Variants in ANKRD17 observed in about 807,000 individuals in gnomAD.
ANKRD17 encodes ankyrin repeat domain-containing protein 17.
Under a neutral mutation model 229.7 loss-of-function variants are expected in ANKRD17, and 19 were observed. The observed-to-expected ratio is 0.08, with a 90% CI of 0.06 to 0.12. ANKRD17 has a LOEUF of 0.12. Ranked by LOEUF, ANKRD17 falls within the 10% of genes least tolerant of loss-of-function variation. ANKRD17 has a pLI of 1.00. For synonymous variants in ANKRD17, 1,112 were observed against 1,146.1 expected (o/e 0.97, Z 0.60); for missense variants, 2,176 against 3,176.8 (o/e 0.68, Z 7.57).
intron 8 of ANKRD17, 143 bp downstream of exon 8, chr4:73,148,670 T>C: frequency 1.3e-6 from 1 of 749,742 alleles, no homozygotes; most frequent in East Asian, 2.7e-5. Flanking sequence ...GGAGCCATTT[T>C]CACAGTAAAT....
Position 73,115,923 on chromosome 4 carries a change from A to G in ANKRD17, c.4189-7T>C. 6.2e-7 allele frequency: 1 copy of G among 1,610,328 alleles called. No homozygotes were observed. The highest frequency in any genetic ancestry group is 1.3e-5 in the African/African-American group (1 of 74,986). On this transcript the variant is annotated splice_polypyrimidine_tract_variant and splice_region_variant and intron_variant, in intron 22 of 33. Transcript: ENST00000358602. The stretch of plus-strand genomic sequence containing the variant: ...GCACCACCTTCACATGACCCTAAAA[A>G]ATAGATATCAATGTCAGATTGAAAA...
chr4:73,245,860 T>C (rs1744452200), intron 1 of ANKRD17, among the ~76,000 whole-genome samples: 1 of 152,182 alleles, frequency 6.6e-6, no homozygotes, highest in Non-Finnish European at 1.5e-5. Flanking sequence ...TATTGTTACA[T>C]AGTCCCGATC....
intron 6 of ANKRD17, among the ~76,000 whole-genome samples, chr4:73,152,288 A>G (rs1403752659): frequency 6.6e-6 from 1 of 152,164 alleles, no homozygotes; most frequent in Non-Finnish European, 1.5e-5. Context: ...TCACAGGTAA[A>G]CAATTAAACA....
rs1178400799 is a variant in ANKRD17, at chr4:73,076,227, C to T, written c.*4G>A. 6.2e-7 allele frequency: 1 copy of T among 1,607,424 alleles called. No individual in the cohort carries two copies. Among genetic ancestry groups the T allele is most frequent in the Admixed American group, 1.7e-5 (1 of 58,700 alleles). ...GAATCTGCAGGCTAACAAGCTGATC[C>T]TCATCAGCCAAGCTGGTTCATATGC... is the stretch of plus-strand genomic sequence containing the variant. On this transcript the variant is annotated 3_prime_UTR_variant, in exon 34 of 34. Transcript: ENST00000358602.
chr4:73,154,151 A>G (rs1268029132), intron 5 of ANKRD17, 38 bp from the exon 6 acceptor site: 1 of 1,398,494 alleles, frequency 7.2e-7, no homozygotes. Flanking sequence ...CATTAACATA[A>G]AATACCAAAA....
At position 73,198,939 on chromosome 4, in the gene ANKRD17, A is replaced by T. The variant is rs1035800880; in HGVS notation, c.394-21406T>A. The stretch of plus-strand genomic sequence containing the variant: ...GACGTAAAACTTGTAACACATAAAA[A>T]GATATTCAAGAGTTTGAAGAGTATA... On this transcript the variant is annotated intron_variant, in intron 1 of 33. Transcript: ENST00000358602. Among the ~76,000 whole-genome samples, 12 of 152,352 alleles carry T rather than the reference A, an allele frequency of 7.9e-5. No homozygotes were observed. The East Asian group carries it at 2.3e-3, about 29-fold the overall frequency.
chr4:73,076,919 T>C (rs750702654), intron 33 of ANKRD17, 21 bp downstream of exon 33: 1 of 1,598,256 alleles, frequency 6.3e-7, no homozygotes, highest in South Asian at 1.1e-5. Flanking sequence ...AACTGTTTAT[T>C]CACTGAATGA....
intron 1 of ANKRD17, among the ~76,000 whole-genome samples, chr4:73,190,976 G>T (rs1488562682): frequency 6.6e-6 from 1 of 152,090 alleles, no homozygotes; most frequent in Admixed American, 6.6e-5. Flanking sequence ...GTGTAAAGAT[G>T]TCAATTTTCC....
At chr4:73,200,337 T>TTA (rs1247992485) in intron 1 of ANKRD17, among the ~76,000 whole-genome samples, 3 of 152,132 alleles carry the variant, frequency 2.0e-5, no homozygotes, top group African/African-American at 7.2e-5. Context: ...GGGTACATAC[T>TTA]TACAGTCCAA....
At chr4:73,242,468 T>C (rs1360963782) in intron 1 of ANKRD17, among the ~76,000 whole-genome samples, 1 of 152,178 alleles carries the variant, frequency 6.6e-6, no homozygotes, top group Non-Finnish European at 1.5e-5. Flanking sequence ...ATGAAGGGCC[T>C]GAAAATACAT....
chr4:73,190,662 C>G (rs1398690374), intron 1 of ANKRD17, among the ~76,000 whole-genome samples: 1 of 151,552 alleles, frequency 6.6e-6, no homozygotes, highest in African/African-American at 2.4e-5. Flanking sequence ...TACAGCCATC[C>G]TTCTAGAAAC....
chr4:73,210,727 C>A (rs929773833), intron 1 of ANKRD17, among the ~76,000 whole-genome samples: 3 of 151,780 alleles, frequency 2.0e-5, no homozygotes, highest in African/African-American at 7.3e-5. Context: ...AAAAAGTTAT[C>A]TACTACCTGG....
chr4:73,154,914 G>A (rs898424707), intron 5 of ANKRD17, among the ~76,000 whole-genome samples: 4 of 151,706 alleles, frequency 2.6e-5, no homozygotes, highest in Admixed American at 2.0e-4. Context: ...AGTGGCAGGC[G>A]CCTGTAGTCC....
chr4:73,127,558 T>C (rs1727637404), intron 16 of ANKRD17, among the ~76,000 whole-genome samples: 1 of 152,312 alleles, frequency 6.6e-6, no homozygotes, highest in East Asian at 1.9e-4. Flanking sequence ...ATCTGCCTTA[T>C]ATGTTTATCA....
intron 29 of ANKRD17, among the ~76,000 whole-genome samples, chr4:73,090,081 T>G (rs1284017022): frequency 6.6e-6 from 1 of 152,154 alleles, no homozygotes; most frequent in African/African-American, 2.4e-5. Context: ...GACAGTACCT[T>G]ATTAAATTAA....
intron 1 of ANKRD17, among the ~76,000 whole-genome samples, chr4:73,251,394 T>C (rs568276434): frequency 6.6e-6 from 1 of 152,318 alleles, no homozygotes; most frequent in East Asian, 1.9e-4. Context: ...TGAAGCACTG[T>C]TAAGTCAGAA....
intron 2 of ANKRD17, among the ~76,000 whole-genome samples, chr4:73,161,800 C>G (rs1490811951): frequency 6.6e-6 from 1 of 152,184 alleles, no homozygotes; most frequent in Non-Finnish European, 1.5e-5. Flanking sequence ...TTATTTTTAA[C>G]TCATTGACGC....
chr4:73,153,125 A>G (rs1449264896), intron 6 of ANKRD17, among the ~76,000 whole-genome samples: 3 of 152,130 alleles, frequency 2.0e-5, no homozygotes, highest in Non-Finnish European at 4.4e-5. Context: ...AGCTTGTGCA[A>G]GTGAAAGGTT....
intron 1 of ANKRD17, among the ~76,000 whole-genome samples, chr4:73,239,994 T>C (rs1032853099): frequency 1.3e-5 from 2 of 152,178 alleles, no homozygotes; most frequent in African/African-American, 4.8e-5. Flanking sequence ...ACAGCAACTA[T>C]GTAAGTTTTA....
Sources: gnomAD v4.1 joint callset for allele counts (sites outside exome capture counted in the v4.1 genomes callset) on GRCh38, gnomAD v4.1.1 for gene constraint, MANE v1.5 for transcripts, NCBI Gene and HGNC (gene_info 2026-07-23, HGNC 2026-07-21) for gene names.